The following SH3KBP1 variants were observed in gnomAD, a reference collection of about 807,000 sequenced individuals.
The protein encoded by SH3KBP1 is SH3 domain-containing kinase-binding protein 1.
A neutral mutation model predicts 50.1 loss-of-function variants in SH3KBP1; 8 were observed. The ratio of observed to expected loss-of-function variants is 0.16; its 90% CI spans 0.09 to 0.29. The LOEUF (loss-of-function observed/expected upper bound fraction) is 0.29. Among genes scored for constraint, SH3KBP1 ranks in the 10% least tolerant of loss-of-function variants. SH3KBP1 has a pLI of 1.00. For missense variants in SH3KBP1, 377 were observed against 535.2 expected (o/e 0.70, Z 2.92); for synonymous variants, 227 against 218.6 (o/e 1.04, Z -0.34).
At chrX:19,591,895 T>C (rs976061485) in intron 11 of SH3KBP1, among the ~76,000 whole-genome samples, 172 bp downstream of exon 11, 2 of 112,481 alleles carry the variant, frequency 1.8e-5, no homozygotes, top group African/African-American at 6.5e-5. Context: ...AAGTACCACA[T>C]AACCCTCTCC....
chrX:19,831,758 T>C (rs1185626462), intron 2 of SH3KBP1, among the ~76,000 whole-genome samples: 2 of 48,474 alleles, frequency 4.1e-5, no homozygotes, highest in African/African-American at 1.8e-4. Context: ...ACCATTGCAC[T>C]CCAGCCTCAA....
chrX:19,668,262 T>G (rs1460601403), intron 6 of SH3KBP1, among the ~76,000 whole-genome samples: 4 of 108,535 alleles, frequency 3.7e-5, no homozygotes, highest in Non-Finnish European at 7.6e-5. Context: ...ATCCCAGCAC[T>G]TTGGGAGGCC....
intron 1 of SH3KBP1, among the ~76,000 whole-genome samples, chrX:19,884,667 G>A (rs1475709361): frequency 8.9e-6 from 1 of 112,532 alleles, no homozygotes; most frequent in African/African-American, 3.2e-5. Flanking sequence ...CATTGCCAAA[G>A]GCTATCCAAA....
intron 12 of SH3KBP1, among the ~76,000 whole-genome samples, chrX:19,572,789 T>G (rs776288580): frequency 4.5e-5 from 5 of 112,274 alleles, no homozygotes; most frequent in African/African-American, 1.6e-4. Flanking sequence ...TATAGCCATC[T>G]GAACGATGTT....
chrX:19,640,316 T>C (rs1183021843), intron 7 of SH3KBP1, among the ~76,000 whole-genome samples: 1 of 111,188 alleles, frequency 9.0e-6, no homozygotes, highest in Non-Finnish European at 1.9e-5. Context: ...GACACAGCAC[T>C]ACACATCTAT....
chrX:19,791,205 T>G (rs895070525), intron 2 of SH3KBP1, among the ~76,000 whole-genome samples: 1 of 111,383 alleles, frequency 9.0e-6, no homozygotes, highest in African/African-American at 3.3e-5. Flanking sequence ...AAATGCCTGA[T>G]AGAAACAAGT....
intron 2 of SH3KBP1, among the ~76,000 whole-genome samples, chrX:19,775,485 T>C (rs1267516720): frequency 8.9e-6 from 1 of 112,114 alleles, no homozygotes; most frequent in African/African-American, 3.2e-5. Context: ...TCACAAAATA[T>C]TAGCACTGTA....
At chrX:19,850,183 T>C (rs930583492) in intron 1 of SH3KBP1, among the ~76,000 whole-genome samples, 7 of 111,591 alleles carry the variant, frequency 6.3e-5, no homozygotes, top group African/African-American at 2.3e-4. Context: ...ACTGGGCATC[T>C]ATAATTTTTT....
chrX:19,832,544 G>T (rs1487203640), intron 2 of SH3KBP1, among the ~76,000 whole-genome samples: 1 of 111,481 alleles, frequency 9.0e-6, no homozygotes, highest in East Asian at 2.8e-4. Context: ...GGAGAGAGGG[G>T]TAAGGAGGAA....
rs981299156 is a variant in SH3KBP1, at chrX:19,745,675, T to C, written c.286+643A>G. ...ACCCTAGTGTGCTCACAGTATAAAA[T>C]TGAGTGGGGTCGTCTCTGCAGTCTT... On this transcript the variant is annotated intron_variant, in intron 3 of 17. Transcript: ENST00000397821. Among the ~76,000 whole-genome samples, 34 of 111,909 alleles carry C rather than the reference T, an allele frequency of 3.0e-4. 1 individual carries two copies. Among genetic ancestry groups the C allele is most frequent in the Non-Finnish European group, 6.0e-4 (32 of 53,144 alleles).
At chrX:19,763,067 C>T (rs2065479902) in intron 2 of SH3KBP1, among the ~76,000 whole-genome samples, 1 of 111,737 alleles carries the variant, frequency 8.9e-6, no homozygotes, top group South Asian at 3.7e-4. Flanking sequence ...AGAACTATAA[C>T]CCACATGAAA....
intron 12 of SH3KBP1, among the ~76,000 whole-genome samples, chrX:19,587,538 T>C (rs2066609158): frequency 8.9e-6 from 1 of 112,367 alleles, no homozygotes; most frequent in Non-Finnish European, 1.9e-5. Context: ...GTAAATGAGC[T>C]CTTTTTGTCT....
intron 6 of SH3KBP1, among the ~76,000 whole-genome samples, chrX:19,657,071 GTTTT>G (rs1317915355): frequency 1.8e-5 from 2 of 111,782 alleles, no homozygotes; most frequent in Non-Finnish European, 3.8e-5. Flanking sequence ...GTGTTTTGTT[GTTTT>G]GTTTTCAACC....
At chrX:19,649,039 G>C (rs1038118226) in intron 6 of SH3KBP1, among the ~76,000 whole-genome samples, 16 of 111,712 alleles carry the variant, frequency 1.4e-4, no homozygotes, top group African/African-American at 4.9e-4. Flanking sequence ...GGGCTAAGTG[G>C]ACAGAACAAT....
At chrX:19,555,726 C>T (rs1374775797) in intron 13 of SH3KBP1, among the ~76,000 whole-genome samples, 1 of 112,011 alleles carries the variant, frequency 8.9e-6, no homozygotes, top group Non-Finnish European at 1.9e-5. Flanking sequence ...TAATAGATTT[C>T]TCACTTCAAG....
chrX:19,670,726 G>T, intron 6 of SH3KBP1: 1 of 619,973 alleles, frequency 1.6e-6, no homozygotes, highest in Non-Finnish European at 2.4e-6. Context: ...TGGGATCCTA[G>T]CTGGCACACA....
intron 8 of SH3KBP1, among the ~76,000 whole-genome samples, chrX:19,611,956 GAAAAA>G (rs3036638): frequency 2.9e-4 from 11 of 38,041 alleles, no homozygotes; most frequent in African/African-American, 9.1e-4. Flanking sequence ...AGCAGAAGTA[GAAAAA>G]AAAAAAAAAA....
At chrX:19,761,158 T>G (rs1325219283) in intron 2 of SH3KBP1, among the ~76,000 whole-genome samples, 16 of 46,214 alleles carry the variant, frequency 3.5e-4, no homozygotes, top group East Asian at 1.9e-3. Flanking sequence ...AGGAGAGAGG[T>G]AGAGAGGGGG....
At chrX:19,743,424 G>T (rs1478879243) in intron 3 of SH3KBP1, among the ~76,000 whole-genome samples, 2 of 107,744 alleles carry the variant, frequency 1.9e-5, no homozygotes, top group African/African-American at 6.8e-5. Context: ...GTGAGACCCT[G>T]TTTCCAAAAA....
Sources: allele counts gnomAD v4.1 joint callset (sites outside exome capture counted in the v4.1 genomes callset), GRCh38; gene constraint gnomAD v4.1.1; transcripts MANE v1.5; gene names NCBI Gene and HGNC (gene_info 2026-07-23, HGNC 2026-07-21).